Variants in SCAP observed in about 807,000 individuals in gnomAD.
SCAP encodes the protein sterol regulatory element-binding protein cleavage-activating protein.
A neutral mutation model predicts 123.6 loss-of-function variants in SCAP; 65 were observed. The ratio of observed to expected loss-of-function variants is 0.53; its 90% CI spans 0.43 to 0.65. The LOEUF is 0.65. SCAP is among the 30% of genes least tolerant of loss of function. The pLI, the probability that SCAP is intolerant of heterozygous loss-of-function variation, is 0.00. For missense variants in SCAP, 1,398 were observed against 1,712.5 expected (o/e 0.82, Z 3.24); for synonymous variants, 740 against 726.3 (o/e 1.02, Z -0.30).
chr3:47,442,802 T>C lies in SCAP; in HGVS notation c.122+70A>G. The C allele has an allele frequency of 2.8e-6, 4 of 1,406,876 alleles. No individual in the cohort carries two copies. In the South Asian group the frequency reaches 3.5e-5, roughly 12 times the overall value. The allele number at this position is 1,406,876 out of a possible 1,614,324, so 87.1% of individuals were successfully genotyped here. On this transcript the variant is annotated intron_variant, in intron 2 of 22. Transcript: ENST00000265565. ...CATACAGAGGCCAAGGGCTCCATAG[T>C]GGTTAGGGTTAGAAAACCTACTGTC... is the stretch of plus-strand genomic sequence containing the variant.
At chr3:47,472,295 G>T (rs1448589225) in intron 1 of SCAP, among the ~76,000 whole-genome samples, 2 of 150,814 alleles carry the variant, frequency 1.3e-5, no homozygotes, top group Non-Finnish European at 3.0e-5. Context: ...TTAGCCGGGC[G>T]CGGTGGCGGG....
chr3:47,427,396 G>A (rs1178334879), intron 5 of SCAP, 51 bp downstream of exon 5: 2 of 1,589,282 alleles, frequency 1.3e-6, no homozygotes, highest in South Asian at 2.2e-5. Flanking sequence ...CAAAAAGACG[G>A]TGACCAATGG....
rs565303881 is a variant in SCAP, at chr3:47,418,375, G to C, written c.2277C>G (p.Gly759=). The C allele has an allele frequency of 8.9e-6, 14 of 1,573,314 alleles. No individual in the cohort carries two copies. The African/African-American group carries it at 1.8e-4, about 20-fold the overall frequency. The change falls in exon 15 of 23, where the codon GGC becomes GGG. Residue 759 remains glycine, a synonymous_variant. Coordinates refer to ENST00000265565, the MANE Select transcript of SCAP (RefSeq NM_012235.4). ...RRGELPCDDY[G]YAPPETEIVP... is the part of the protein sequence containing the mutation. ...CGATCTCCGTCTCGGGTGGCGCATA[G>C]CCGTAGTCGTCGCAGGGCAGCTCCC...
chr3:47,458,016 G>A (rs746476477), intron 1 of SCAP, among the ~76,000 whole-genome samples: 28 of 152,316 alleles, frequency 1.8e-4, no homozygotes, highest in Middle Eastern at 3.4e-3. Flanking sequence ...GGTCGGGCAC[G>A]GTGGCTCACG....
At chr3:47,463,181 G>T (rs1707708800) in intron 1 of SCAP, among the ~76,000 whole-genome samples, 1 of 152,112 alleles carries the variant, frequency 6.6e-6, no homozygotes, top group Admixed American at 6.6e-5. Context: ...TCCTCCGGCG[G>T]AAAGTTTAGG....
rs555711337 is a variant in SCAP at position 47,418,482 on chromosome 3, G to T, written c.2170C>A (p.Leu724Met). The T allele has an allele frequency of 1.2e-6, 2 of 1,600,406 alleles. No individual in the cohort carries two copies. The highest frequency in any genetic ancestry group is 2.7e-5 in the African/African-American group (2 of 74,866). Residue 724 changes from leucine to methionine, a missense_variant, in exon 15 of 23, where the codon CTG (leucine) becomes ATG (methionine). Leu to Met is a conservative substitution (Grantham distance 15). Coordinates refer to ENST00000265565, the MANE Select transcript of SCAP (RefSeq NM_012235.4). The stretch of plus-strand genomic sequence containing the variant: ...ACGCGGTAGAGGCAGAGCAGCAGCA[G>T]CACCAAGACGATGCCGGTGGCCAGG... ...LGLATGIVLV[L>M]LLLCLYRVLC...
At chr3:47,473,303 A>G (rs2108041163) in intron 1 of SCAP, among the ~76,000 whole-genome samples, 1 of 152,194 alleles carries the variant, frequency 6.6e-6, no homozygotes, top group East Asian at 1.9e-4. Flanking sequence ...AGATAAGCTA[A>G]TATTACAGTA....
intron 1 of SCAP, among the ~76,000 whole-genome samples, chr3:47,445,468 G>A (rs1706998279): frequency 6.6e-6 from 1 of 151,526 alleles, no homozygotes; most frequent in Admixed American, 6.6e-5. Context: ...GGCTGCTCTC[G>A]AACTCCTAAC....
rs754800003 is a variant in SCAP, at chr3:47,442,973, C to T, written c.21G>A (p.Leu7=). Residue 7 remains leucine, a synonymous_variant, in exon 2 of 23, where the codon CTG becomes CTA. Transcript: ENST00000265565. MTLTER[L]REKISRAFYN... The stretch of plus-strand genomic sequence containing the variant: ...AGAAGGCCCGAGATATCTTCTCACG[C>T]AGCCTTTCAGTCAGGGTCATCCTCA... 1.9e-6 allele frequency: 3 copies of T among 1,613,914 alleles called. No homozygotes were observed. Among genetic ancestry groups the T allele is most frequent in the Non-Finnish European group, 2.5e-6 (3 of 1,180,034 alleles).
At chr3:47,470,461 C>G (rs1174550759) in intron 1 of SCAP, among the ~76,000 whole-genome samples, 2 of 152,182 alleles carry the variant, frequency 1.3e-5, no homozygotes. Context: ...CATCTGTACA[C>G]AGGAGTTAAC....
In SCAP at chr3:47,418,193, G is replaced by A; in HGVS notation, c.2388C>T (p.Gly796=). 2 of 1,575,218 alleles carry A rather than the reference G, an allele frequency of 1.3e-6. No homozygotes were observed. Among genetic ancestry groups the A allele is most frequent in the Non-Finnish European group, 1.7e-6 (2 of 1,161,108 alleles). ...GMLLVSCCLA[G]HVCVWDAQTG... ...TCTGCGCGTCCCACACGCAGACGTG[G>A]CCTGCCAGGCAGCAGCTCACCAGCA... Residue 796 remains glycine (G), a synonymous_variant, in exon 16 of 23, where the codon GGC becomes GGT. Transcript: ENST00000265565.
chr3:47,475,292 G>A (rs760436501), intron 1 of SCAP: 58 of 152,236 alleles, frequency 3.8e-4, no homozygotes, highest in African/African-American at 1.3e-3. Flanking sequence ...CCACTCAGAA[G>A]TAAACAGAAG....
chr3:47,422,638 C>A, intron 9 of SCAP, 102 bp from the exon 10 acceptor site: 1 of 925,024 alleles, frequency 1.1e-6, no homozygotes, highest in Non-Finnish European at 1.6e-6. Context: ...TGGCAAGGCC[C>A]CCCAGCCCTT....
In SCAP at chr3:47,417,649, G is replaced by T. The variant is rs747377304; in HGVS notation, c.2625C>A (p.Cys875Ter). 1 of 1,609,262 alleles carries T rather than the reference G, an allele frequency of 6.2e-7. No individual in the cohort carries two copies. ...SLFGDQPDLTCLIDTNFSAQP... is the reference protein window; with the variant it reads ...SLFGDQPDLT ...GCGCTGAAAAGTTGGTGTCAATTAAGCAGGTGAGGTCAGGCTGGTCCCCGA... is the reference window on the plus strand; with the variant it reads ...GCGCTGAAAAGTTGGTGTCAATTAATCAGGTGAGGTCAGGCTGGTCCCCGA... Residue 875 changes from cysteine to a stop codon, truncating the protein, a stop_gained, in exon 17 of 23, where the codon TGC (cysteine) becomes TGA (stop). Coordinates refer to ENST00000265565, the MANE Select transcript of SCAP (RefSeq NM_012235.4). LOFTEE classifies it high-confidence loss of function.
At chr3:47,458,339 G>T (rs757129731) in intron 1 of SCAP, among the ~76,000 whole-genome samples, 18 of 151,890 alleles carry the variant, frequency 1.2e-4, no homozygotes, top group Admixed American at 5.2e-4. Context: ...TGAGGCAGGA[G>T]AATCGCTTGA....
chr3:47,476,209 T>A (rs1300258256), upstream of SCAP: 1 of 152,056 alleles, frequency 6.6e-6, no homozygotes, highest in East Asian at 1.9e-4. Flanking sequence ...GCGGTTGTAA[T>A]CCCAACACTG....
chr3:47,422,906 GCATGACAGTGTGCCCAT>G lies in SCAP; in HGVS notation c.1151-387_1151-371del, dbSNP rs376691294. 431 of 178,906 alleles carry G rather than the reference GCATGACAGTGTGCCCAT, an allele frequency of 2.4e-3. 3 individuals carry two copies. The highest frequency in any genetic ancestry group is 9.6e-3 in the African/African-American group (407 of 42,584). The allele number at this position is 178,906 out of a possible 1,614,324, so 11.1% of individuals were successfully genotyped here. On this transcript the variant is annotated intron_variant, in intron 9 of 22. Transcript: ENST00000265565. ...GTTCTTGTCTGGTCTGCACGGGCCA[GCATGACAGTGTGCCCAT>G]CAACCACATGGCAGAAGCACTCGGC... is the stretch of plus-strand genomic sequence containing the variant.
At position 47,420,031 on chromosome 3, in the gene SCAP, C is replaced by G. The variant is rs1030521531; in HGVS notation, c.1564-327G>C. Among the ~76,000 whole-genome samples, 1 of 152,202 alleles carries G rather than the reference C, an allele frequency of 6.6e-6. No individual in the cohort carries two copies. Among genetic ancestry groups the G allele is most frequent in the African/African-American group, 2.4e-5 (1 of 41,442 alleles). On this transcript the variant is annotated intron_variant, in intron 12 of 22. Transcript: ENST00000265565. This position sits in a 1 kb window ranked among gnomAD's most constrained non-coding sequence, Gnocchi z 5.0. ...CTGGAGCCAGAAAGCTGCTACCATT[C>G]CTACGGTCAGAGGGCCAGCAACCTG...
At chr3:47,458,423 CTG>C (rs1707509683) in intron 1 of SCAP, among the ~76,000 whole-genome samples, 1 of 152,116 alleles carries the variant, frequency 6.6e-6, no homozygotes, top group African/African-American at 2.4e-5. Context: ...GGGCAAAACT[CTG>C]TCTCAAAAAA....
Sources: gnomAD v4.1 joint callset for allele counts (sites outside exome capture counted in the v4.1 genomes callset) on GRCh38, gnomAD v4.1.1 for gene constraint, Gnocchi (gnomAD v3.1) non-coding constraint, MANE v1.5 for transcripts, NCBI Gene and HGNC (gene_info 2026-07-23, HGNC 2026-07-21) for gene names.